DNAH5: variants seen among roughly 807,000 people sequenced by gnomAD.
DNAH5 encodes the protein dynein axonemal heavy chain 5, also known as axonemal beta dynein heavy chain 5.
A neutral mutation model predicts 518.2 loss-of-function variants in DNAH5; 372 were observed. The observed-to-expected ratio is 0.72, with a 90% CI of 0.66 to 0.78. DNAH5 has a LOEUF of 0.78. Among genes scored for constraint, DNAH5 ranks in the 30% least tolerant of loss-of-function variants. The pLI is 0.00. For missense variants in DNAH5, 5,523 were observed against 5,687.0 expected (o/e 0.97, Z 0.93); for synonymous variants, 2,039 against 2,025.9 (o/e 1.01, Z -0.17).
chr5:13,742,379 T>C (rs1406799943), intron 65 of DNAH5, among the ~76,000 whole-genome samples: 1 of 151,936 alleles, frequency 6.6e-6, no homozygotes, highest in Non-Finnish European at 1.5e-5. Context: ...CTAACAAAAC[T>C]GGTCTTCCTG....
At chr5:13,785,974 C>T (rs1342234594) in intron 52 of DNAH5, among the ~76,000 whole-genome samples, 1 of 152,188 alleles carries the variant, frequency 6.6e-6, no homozygotes, top group Non-Finnish European at 1.5e-5. Context: ...TCACATCACA[C>T]ATTTAAAGTA....
At chr5:13,748,846 C>A (rs1749795280) in intron 65 of DNAH5, among the ~76,000 whole-genome samples, 1 of 152,086 alleles carries the variant, frequency 6.6e-6, no homozygotes, top group African/African-American at 2.4e-5. Context: ...TTGACTTCCT[C>A]TTTTCCTAAT....
chr5:13,867,898 A>C lies in DNAH5; in HGVS notation c.3929T>G (p.Leu1310Arg). The C allele has an allele frequency of 6.2e-7, 1 of 1,614,136 alleles. No homozygotes were observed. Among genetic ancestry groups the C allele is most frequent in the South Asian group, 1.1e-5 (1 of 91,080 alleles). ...ATTCTGGACTTCGCCAGCACGTGCC[A>C]GCAGCTTCTCCCAAGCATAGTGCAG... ...DTLHYAWEKLLARAGEVQNKL... is the reference protein window; with the variant it reads ...DTLHYAWEKLRARAGEVQNKL... The change falls in exon 25 of 79, where the codon CTG (leucine) becomes CGG (arginine). Residue 1310 changes from leucine (L) to arginine (R), a missense_variant. Physicochemically the swap from Leu to Arg is moderately radical, Grantham distance 102. Around this residue, in one of 3 missense-constraint regions of DNAH5, gnomAD observed 5,121 missense variants for 5,223.3 expected, o/e 0.98. Transcript: ENST00000265104.
In DNAH5 at chr5:13,883,683, A is replaced by T. The variant is rs565407329; in HGVS notation, c.2984-589T>A. Reference sequence around the variant, plus strand: ...ATGTATGTATATGTGTCTGTGTATCATGCATAACTTTACGTAGTTGCAAAT... The same window carrying T: ...ATGTATGTATATGTGTCTGTGTATCTTGCATAACTTTACGTAGTTGCAAAT... On this transcript the variant is annotated intron_variant, in intron 19 of 78. Coordinates refer to ENST00000265104, the MANE Select transcript of DNAH5 (RefSeq NM_001369.3). Among the ~76,000 whole-genome samples the T allele has an allele frequency of 2.8e-4, 42 of 152,356 alleles. 2 individuals are homozygous for T. The South Asian group carries it at 8.7e-3, about 32-fold the overall frequency.
At chr5:13,795,710 G>A (rs984118960) in intron 47 of DNAH5, among the ~76,000 whole-genome samples, 14 of 150,632 alleles carry the variant, frequency 9.3e-5, no homozygotes, top group Admixed American at 1.3e-4. Context: ...TGAGGCCAGC[G>A]TCATCCTGAT....
chr5:13,834,522 C>T (rs141738911), intron 35 of DNAH5, among the ~76,000 whole-genome samples: 1 of 152,310 alleles, frequency 6.6e-6, no homozygotes, highest in East Asian at 1.9e-4. Context: ...TATTTAGCAT[C>T]TGTTATGTGA....
Position 13,862,150 on chromosome 5 carries a change from T to C in DNAH5, c.4796+398A>G, listed in dbSNP as rs113593464. Among the ~76,000 whole-genome samples the C allele has an allele frequency of 3.7e-3, 534 of 145,426 alleles. 4 individuals are homozygous for C. The highest frequency in any genetic ancestry group is 0.013 in the African/African-American group (513 of 39,546). On this transcript the variant is annotated intron_variant, in intron 29 of 78. Coordinates refer to ENST00000265104, the MANE Select transcript of DNAH5 (RefSeq NM_001369.3). Reference sequence around the variant, plus strand: ...CTACAGCCTGTAGAGCTATGAGCTGTGCAGTCAGGCTTGTCAGCAGCAAGC... The same window carrying C: ...CTACAGCCTGTAGAGCTATGAGCTGCGCAGTCAGGCTTGTCAGCAGCAAGC...
Position 13,862,641 on chromosome 5 carries a change from C to T in DNAH5, c.4703G>A (p.Arg1568His), listed in dbSNP as rs200994058. 4.4e-5 allele frequency: 71 copies of T among 1,613,942 alleles called. No homozygotes were observed. Among genetic ancestry groups the T allele is most frequent in the East Asian group, 4.2e-4 (19 of 44,850 alleles). The part of the protein sequence containing the change: ...KTFTFGSFKT[R>H]GELLLRGDST... ...GTCTCCTCTCAAGAGGAGCTCTCCA[C>T]GGGTTTTAAAGCTGCCGAAGGTGAA... The change falls in exon 29 of 79, where the codon CGT becomes CAT. Residue 1568 changes from arginine (R) to histidine (H), a missense_variant. By Grantham distance (29) the Arg-to-His change is conservative. Around this residue, in one of 3 missense-constraint regions of DNAH5, gnomAD observed 5,121 missense variants for 5,223.3 expected, o/e 0.98. Coordinates refer to ENST00000265104, the MANE Select transcript of DNAH5 (RefSeq NM_001369.3).
intron 74 of DNAH5, among the ~76,000 whole-genome samples, chr5:13,716,128 T>C (rs1241858450): frequency 6.6e-6 from 1 of 152,238 alleles, no homozygotes; most frequent in African/African-American, 2.4e-5. Flanking sequence ...AAGCTGCCTT[T>C]GCTCTACTGC....
At chr5:13,895,615 A>T (rs1259201590) in intron 15 of DNAH5, among the ~76,000 whole-genome samples, 30 of 152,156 alleles carry the variant, frequency 2.0e-4, no homozygotes, top group African/African-American at 6.8e-4. Flanking sequence ...TGTTGCCAAG[A>T]CCCAAAGCAC....
In DNAH5 at chr5:13,830,674, C is replaced by T. The variant is rs1010721396; in HGVS notation, c.5984G>A (p.Arg1995Gln). The change falls in exon 36 of 79, where the codon CGA (arginine) becomes CAA (glutamine). Residue 1995 changes from arginine (R) to glutamine (Q), a missense_variant. Around this residue, in one of 3 missense-constraint regions of DNAH5, gnomAD observed 5,121 missense variants for 5,223.3 expected, o/e 0.98. Transcript: ENST00000265104. ...GKTETTKDMG[R>Q]CLGKYVVVFN... ...AACCACGACGTATTTCCCGAGGCAT[C>T]GTCCCATGTCTTTAGTGGTTTCTGT... is the stretch of plus-strand genomic sequence containing the variant. 6 of 1,614,160 alleles carry T rather than the reference C, an allele frequency of 3.7e-6. No homozygotes were observed. The highest frequency in any genetic ancestry group is 5.1e-6 in the Non-Finnish European group (6 of 1,180,030).
chr5:13,944,642 G>A lies in DNAH5; in HGVS notation c.-204C>T, dbSNP rs902970664. The A allele has an allele frequency of 1.0e-5, 6 of 599,894 alleles. No homozygotes were observed. The highest frequency in any genetic ancestry group is 8.7e-5 in the East Asian group (3 of 34,574). The allele number at this position is 599,894 out of a possible 1,614,324, so 37.2% of individuals were successfully genotyped here. On this transcript the variant is annotated 5_prime_UTR_variant, in exon 1 of 79. Transcript: ENST00000265104. The stretch of plus-strand genomic sequence containing the variant: ...TTATACCACTCAAGTTTTTCTCCTA[G>A]AGTGTCTGCCCTGGGCCTCTCCTCT...
chr5:14,004,145 G>A (rs1056114702), intron 1 of DNAH5, among the ~76,000 whole-genome samples: 8 of 152,220 alleles, frequency 5.3e-5, no homozygotes, highest in African/African-American at 1.9e-4. Flanking sequence ...GAATATTGCT[G>A]CTTCGTGTCT....
chr5:13,777,530 A>T (rs1370566595), intron 53 of DNAH5, among the ~76,000 whole-genome samples, 175 bp from the exon 54 acceptor site: 1 of 152,224 alleles, frequency 6.6e-6, no homozygotes, highest in Non-Finnish European at 1.5e-5. Flanking sequence ...CACATTTCAT[A>T]AAACATTATA....
chr5:13,961,124 T>G (rs1260377204), intron 1 of DNAH5, among the ~76,000 whole-genome samples: 1 of 152,202 alleles, frequency 6.6e-6, no homozygotes, highest in Non-Finnish European at 1.5e-5. Flanking sequence ...CTTTGCTGAA[T>G]AAGTTTTTCT....
rs138188519 is a variant in DNAH5, at chr5:14,003,756, C to T, written c.12+7892G>A. On this transcript the variant is annotated intron_variant, in intron 1 of 78. Coordinates refer to the DNAH5 transcript ENST00000681290. ...AAGTGATGCGGCCAAGCCTTGCTCT[C>T]TGGAATACTCTCTCTTTGAAGCTTT... is the stretch of plus-strand genomic sequence containing the variant. 1.8e-3 allele frequency among the ~76,000 whole-genome samples: 273 copies of T among 152,372 alleles called. 1 individual carries two copies. The highest frequency in any genetic ancestry group is 6.4e-3 in the African/African-American group (267 of 41,590).
chr5:13,987,407 G>A (rs892547070), intron 1 of DNAH5, among the ~76,000 whole-genome samples: 18 of 151,806 alleles, frequency 1.2e-4, no homozygotes, highest in East Asian at 3.9e-4. Context: ...TAAAACAACC[G>A]GTACCCCTCC....
At position 13,690,945 on chromosome 5, in the gene DNAH5, T is replaced by A. The variant is rs1740638407; in HGVS notation, c.*1039A>T. 4 of 152,222 alleles carry A rather than the reference T, an allele frequency of 2.6e-5. No homozygotes were observed. Among genetic ancestry groups the A allele is most frequent in the Admixed American group, 2.6e-4 (4 of 15,276 alleles). 9.4% of individuals were successfully genotyped at this position (152,222 alleles called of 1,614,324 possible). On this transcript the variant is annotated 3_prime_UTR_variant, in exon 79 of 79. Transcript: ENST00000265104. The stretch of plus-strand genomic sequence containing the variant: ...TTTCTATCTTGCCATCTAATCTTTG[T>A]CCACATGCAAATATATTTGCTGTTA...
chr5:13,743,073 G>A (rs1372093577), intron 65 of DNAH5, among the ~76,000 whole-genome samples: 1 of 152,014 alleles, frequency 6.6e-6, no homozygotes, highest in East Asian at 1.9e-4. Context: ...TTCATAAGAA[G>A]AAGGTAAGAC....
Sources: gnomAD v4.1 joint callset for allele counts (sites outside exome capture counted in the v4.1 genomes callset) on GRCh38, gnomAD v4.1.1 for gene constraint, gnomAD v4.1.1 regional missense constraint, MANE v1.5 for transcripts, NCBI Gene and HGNC (gene_info 2026-07-23, HGNC 2026-07-21) for gene names.